The following ARHGAP18 variants were observed in gnomAD, a reference collection of about 807,000 sequenced individuals.
ARHGAP18 encodes rho GTPase-activating protein 18.
ARHGAP18 carries 67 observed loss-of-function variants against 86.2 expected under a neutral mutation model. The ratio of observed to expected loss-of-function variants is 0.78; its 90% CI spans 0.64 to 0.95. The LOEUF is 0.95. Among genes scored for constraint, ARHGAP18 ranks in the 40% least tolerant of loss-of-function variants. The pLI, the probability that ARHGAP18 is intolerant of heterozygous loss-of-function variation, is 0.00. For synonymous variants in ARHGAP18, 283 were observed against 280.4 expected (o/e 1.01, Z -0.09); for missense variants, 691 against 780.4 (o/e 0.89, Z 1.37).
At chr6:129,607,797 C>G in intron 9 of ARHGAP18, 96 bp downstream of exon 9, 1 of 1,325,050 alleles carries the variant, frequency 7.5e-7, no homozygotes, top group Non-Finnish European at 1.0e-6. Context: ...CACCCAAATA[C>G]GTCTGGTTGC....
At position 129,578,032 on chromosome 6, in the gene ARHGAP18, A is replaced by G. The variant is rs908926118; in HGVS notation, c.*481T>C. 4 of 152,192 alleles carry G rather than the reference A, an allele frequency of 2.6e-5. No individual in the cohort carries two copies. The highest frequency in any genetic ancestry group is 7.2e-5 in the African/African-American group (3 of 41,456). The allele number at this position is 152,192 out of a possible 1,614,324, so 9.4% of individuals were successfully genotyped here. On this transcript the variant is annotated 3_prime_UTR_variant, in exon 15 of 15. Coordinates refer to ENST00000368149, the MANE Select transcript of ARHGAP18 (RefSeq NM_033515.3). ...TGACAGGAATACTGTGAAATTAGGT[A>G]TGTTTTAATGTGCTGTCTTCACAAC... is the stretch of plus-strand genomic sequence containing the variant.
chr6:129,615,426 T>C (rs1053400652), intron 7 of ARHGAP18, among the ~76,000 whole-genome samples: 3 of 152,180 alleles, frequency 2.0e-5, no homozygotes, highest in Admixed American at 1.3e-4. Flanking sequence ...ACGGAATTAA[T>C]TGACTGGTTT....
intron 3 of ARHGAP18, among the ~76,000 whole-genome samples, chr6:129,636,830 T>C (rs767465660): frequency 1.3e-5 from 2 of 152,322 alleles, no homozygotes; most frequent in Admixed American, 6.5e-5. Flanking sequence ...TGAGCCGAGA[T>C]TGCACTCAAG....
At chr6:129,707,965 C>A (rs747025749) in intron 1 of ARHGAP18, among the ~76,000 whole-genome samples, 1 of 152,044 alleles carries the variant, frequency 6.6e-6, no homozygotes, top group African/African-American at 2.4e-5. Context: ...TTCACCGCCC[C>A]GAAACCACTA....
intron 12 of ARHGAP18, among the ~76,000 whole-genome samples, chr6:129,597,361 T>C (rs1481927988): frequency 6.6e-6 from 1 of 152,002 alleles, no homozygotes; most frequent in Non-Finnish European, 1.5e-5. Context: ...GAGATGAGAA[T>C]TTTTCTACCA....
intron 10 of ARHGAP18, among the ~76,000 whole-genome samples, chr6:129,605,471 G>C (rs1788831871): frequency 2.0e-5 from 3 of 151,700 alleles, no homozygotes; most frequent in South Asian, 4.2e-4. Context: ...GGTAGTAGTG[G>C]GTTATATTTG....
chr6:129,673,972 T>A (rs1774185953), intron 1 of ARHGAP18, among the ~76,000 whole-genome samples: 1 of 151,986 alleles, frequency 6.6e-6, no homozygotes, highest in South Asian at 2.1e-4. Context: ...CACACACACA[T>A]ACACACACTC....
At chr6:129,690,596 A>C (rs1774511006) in intron 1 of ARHGAP18, among the ~76,000 whole-genome samples, 1 of 152,218 alleles carries the variant, frequency 6.6e-6, no homozygotes, top group Non-Finnish European at 1.5e-5. Context: ...ATGTAATGCA[A>C]ATAAAATATT....
chr6:129,593,263 C>T (rs924354029), intron 12 of ARHGAP18, among the ~76,000 whole-genome samples: 1 of 151,930 alleles, frequency 6.6e-6, no homozygotes, highest in African/African-American at 2.4e-5. Context: ...AGTTCGAGAC[C>T]AGCCTGTGTA....
At chr6:129,614,970 C>T (rs1444403528) in intron 7 of ARHGAP18, among the ~76,000 whole-genome samples, 2 of 152,100 alleles carry the variant, frequency 1.3e-5, no homozygotes, top group Non-Finnish European at 2.9e-5. Context: ...CAACTCTTGC[C>T]TGAGCTTCCA....
At chr6:129,700,456 AT>A (rs2114554962) in intron 1 of ARHGAP18, among the ~76,000 whole-genome samples, 1 of 152,350 alleles carries the variant, frequency 6.6e-6, no homozygotes, top group Non-Finnish European at 1.5e-5. Context: ...TACTTTTTGG[AT>A]ATTAAATGTA....
intron 1 of ARHGAP18, among the ~76,000 whole-genome samples, chr6:129,676,912 CCTCTTTTTTTTTTT>C (rs1169160559): frequency 6.7e-5 from 7 of 103,880 alleles, no homozygotes; most frequent in African/African-American, 2.6e-4. Flanking sequence ...AATTTTTTGT[CCTCTTTTTTTTTTT>C]TTTTTTTTTT....
At chr6:129,681,991 A>G (rs946457413) in intron 1 of ARHGAP18, among the ~76,000 whole-genome samples, 2 of 152,192 alleles carry the variant, frequency 1.3e-5, no homozygotes, top group Non-Finnish European at 2.9e-5. Context: ...ACTCTTACTG[A>G]GCTCATCTTA....
intron 3 of ARHGAP18, among the ~76,000 whole-genome samples, chr6:129,637,076 GTTTTTT>G (rs916114805): frequency 1.1e-4 from 16 of 151,894 alleles, no homozygotes; most frequent in African/African-American, 3.4e-4. Flanking sequence ...TGTTGTTGTT[GTTTTTT>G]GAGATGGAGT....
At chr6:129,587,093 T>C (rs1020480326) in intron 12 of ARHGAP18, among the ~76,000 whole-genome samples, 1 of 152,188 alleles carries the variant, frequency 6.6e-6, no homozygotes, top group Admixed American at 6.5e-5. Flanking sequence ...AAATTACTTA[T>C]TTTTTGTTCA....
At chr6:129,579,162 C>G (rs1016088970) in intron 14 of ARHGAP18, among the ~76,000 whole-genome samples, 1 of 152,042 alleles carries the variant, frequency 6.6e-6, no homozygotes, top group Non-Finnish European at 1.5e-5. Flanking sequence ...GCTTAATCAT[C>G]TTATTAGGAG....
At chr6:129,700,035 G>A (rs1283400184) in intron 1 of ARHGAP18, among the ~76,000 whole-genome samples, 1 of 152,108 alleles carries the variant, frequency 6.6e-6, no homozygotes, top group African/African-American at 2.4e-5. Flanking sequence ...AGAAGAACTG[G>A]GTGAAGGGAA....
intron 5 of ARHGAP18, among the ~76,000 whole-genome samples, chr6:129,628,481 A>G (rs1294574613): frequency 6.6e-6 from 1 of 152,220 alleles, no homozygotes; most frequent in Non-Finnish European, 1.5e-5. Context: ...ATGACAAATT[A>G]TTATTAATTG....
chr6:129,602,393 A>AT (rs1010306311), intron 10 of ARHGAP18, among the ~76,000 whole-genome samples: 7 of 152,178 alleles, frequency 4.6e-5, no homozygotes, highest in Non-Finnish European at 1.0e-4. Context: ...TAAAAGAATC[A>AT]TTTTTTCAGA....
Sources: gnomAD v4.1 joint callset for allele counts (sites outside exome capture counted in the v4.1 genomes callset) on GRCh38, gnomAD v4.1.1 for gene constraint, MANE v1.5 for transcripts, NCBI Gene and HGNC (gene_info 2026-07-23, HGNC 2026-07-21) for gene names.